AOAH: variants seen among roughly 807,000 people sequenced by gnomAD.
AOAH encodes the protein acyloxyacyl hydrolase (neutrophil).
Under a neutral mutation model 92.2 loss-of-function variants are expected in AOAH, and 64 were observed. The ratio of observed to expected loss-of-function variants is 0.69; its 90% confidence interval spans 0.57 to 0.86. The LOEUF is 0.86. Ranked by LOEUF, AOAH falls within the 40% of genes least tolerant of loss-of-function variation. AOAH has a pLI of 0.00. For missense variants in AOAH, 656 were observed against 694.6 expected (o/e 0.94, Z 0.62); for synonymous variants, 263 against 254.5 (o/e 1.03, Z -0.32).
intron 2 of AOAH, among the ~76,000 whole-genome samples, chr7:36,685,527 T>G (rs1431134018): frequency 6.6e-6 from 1 of 152,154 alleles, no homozygotes; most frequent in African/African-American, 2.4e-5. Context: ...TTGTCTTGTT[T>G]TTACAAAGAA....
At position 36,513,255 on chromosome 7, in the gene AOAH, G is replaced by C; in HGVS notation, c.1725C>G (p.His575Gln). The C allele has an allele frequency of 6.2e-7, 1 of 1,614,212 alleles. No individual in the cohort carries two copies. Among genetic ancestry groups the C allele is most frequent in the Non-Finnish European group, 8.5e-7 (1 of 1,180,026 alleles). ...IKQVFGDQGG[H>Q] ...GGGGTGCATGCTCCTGAGAGGCTCA[G>C]TGCCCGCCTTGGTCTCCAAACACCT... The change falls in exon 21 of 21, where the codon CAC (histidine) becomes CAG (glutamine). Residue 575 changes from histidine to glutamine, a missense_variant. Transcript: ENST00000617537.
chr7:36,583,296 G>A (rs1789067672), intron 12 of AOAH, among the ~76,000 whole-genome samples: 1 of 152,264 alleles, frequency 6.6e-6, no homozygotes, highest in Admixed American at 6.5e-5. Flanking sequence ...GACTAGACAG[G>A]CTTTAAGGCT....
chr7:36,562,594 A>T (rs909428552), intron 13 of AOAH, among the ~76,000 whole-genome samples: 4 of 152,220 alleles, frequency 2.6e-5, no homozygotes, highest in Non-Finnish European at 5.9e-5. Context: ...CTTTTAAATA[A>T]GGTGCAGGGC....
At chr7:36,638,025 TA>T in intron 4 of AOAH, 115 bp from the exon 5 acceptor site, 1 of 784,078 alleles carries the variant, frequency 1.3e-6, no homozygotes, top group Non-Finnish European at 2.1e-6. Context: ...AACCACTCCA[TA>T]AATTTGTAAT....
chr7:36,592,828 A>G (rs1297353576), intron 12 of AOAH, among the ~76,000 whole-genome samples: 2 of 152,226 alleles, frequency 1.3e-5, no homozygotes, highest in Non-Finnish European at 2.9e-5. Context: ...TATCCCTATT[A>G]GTAAGTATTT....
intron 1 of AOAH, among the ~76,000 whole-genome samples, chr7:36,695,948 A>G (rs1013295410): frequency 6.6e-6 from 1 of 152,160 alleles, no homozygotes; most frequent in Non-Finnish European, 1.5e-5. Context: ...TGAGTTCACA[A>G]TTGTGTGAGG....
intron 1 of AOAH, among the ~76,000 whole-genome samples, chr7:36,710,717 T>A (rs4412275): frequency 6.6e-6 from 1 of 152,142 alleles, no homozygotes; most frequent in East Asian, 1.9e-4. Context: ...CACCCAAGAT[T>A]TGAGAATTTC....
intron 13 of AOAH, among the ~76,000 whole-genome samples, chr7:36,557,676 G>A (rs1786866985): frequency 6.6e-6 from 1 of 152,120 alleles, no homozygotes; most frequent in African/African-American, 2.4e-5. Context: ...TGGAGGCTTT[G>A]TTCGTTTCTT....
chr7:36,644,517 A>G (rs1218509648), intron 4 of AOAH, among the ~76,000 whole-genome samples: 1 of 152,212 alleles, frequency 6.6e-6, no homozygotes, highest in Non-Finnish European at 1.5e-5. Flanking sequence ...TATTGACTAC[A>G]GTGGTAAACA....
chr7:36,683,972 C>A (rs1385839817), intron 2 of AOAH, among the ~76,000 whole-genome samples: 6 of 150,646 alleles, frequency 4.0e-5, no homozygotes, highest in African/African-American at 1.5e-4. Context: ...CCAGCCTGAG[C>A]AACAGAGCAA....
intron 1 of AOAH, among the ~76,000 whole-genome samples, 179 bp from the exon 2 acceptor site, chr7:36,686,973 C>A (rs922387511): frequency 2.0e-5 from 3 of 152,138 alleles, no homozygotes; most frequent in Admixed American, 2.0e-4. Context: ...AAACAGCCCA[C>A]ATGGAGCAGA....
chr7:36,513,331 T>G lies in AOAH; in HGVS notation c.1649A>C (p.Gln550Pro). The stretch of plus-strand genomic sequence containing the variant: ...CTCCTTTCCCAGGATTTGGGGCCAC[T>G]GGAGCTGCACCTTTTTCCAGAAATG... ...ADHFWKKVQL[Q>P]WPQILGKENP... Residue 550 changes from glutamine to proline, a missense_variant, in exon 21 of 21, where the codon CAG (glutamine) becomes CCG (proline). By Grantham distance (76) the Gln-to-Pro change is moderately conservative. Coordinates refer to ENST00000617537, the MANE Select transcript of AOAH (RefSeq NM_001637.4). 6.2e-7 allele frequency: 1 copy of G among 1,614,200 alleles called. No homozygotes were observed. The highest frequency in any genetic ancestry group is 8.5e-7 in the Non-Finnish European group (1 of 1,180,022).
chr7:36,708,367 T>G (rs1022838745), intron 1 of AOAH, among the ~76,000 whole-genome samples: 8 of 152,202 alleles, frequency 5.3e-5, no homozygotes, highest in Non-Finnish European at 8.8e-5. Context: ...TTATTGATTT[T>G]TAAGTCTAGT....
rs773637247 is a variant in AOAH, at chr7:36,594,336, T to G, written c.938+3A>C. The G allele has an allele frequency of 3.7e-6, 6 of 1,611,528 alleles. No homozygotes were observed. The East Asian group carries it at 6.7e-5, about 18-fold the overall frequency. On this transcript the variant is annotated splice_donor_region_variant and intron_variant, in intron 12 of 20. Coordinates refer to ENST00000617537, the MANE Select transcript of AOAH (RefSeq NM_001637.4). ...ATGTCTGAGGGTGCACAAAGACACT[T>G]ACCCAACAGTGGAGTCCAGAAATCC...
chr7:36,553,237 G>A (rs1430267714), intron 13 of AOAH, among the ~76,000 whole-genome samples: 1 of 150,290 alleles, frequency 6.7e-6, no homozygotes, highest in Non-Finnish European at 1.5e-5. Flanking sequence ...TTTTGTCCTT[G>A]CAATAGTTTA....
At chr7:36,581,560 A>G (rs1312114600) in intron 12 of AOAH, among the ~76,000 whole-genome samples, 2 of 152,218 alleles carry the variant, frequency 1.3e-5, no homozygotes, top group Non-Finnish European at 2.9e-5. Flanking sequence ...AAATAATTTT[A>G]TGGTCAATAA....
At chr7:36,681,442 A>G (rs976969984) in intron 2 of AOAH, among the ~76,000 whole-genome samples, 3 of 152,208 alleles carry the variant, frequency 2.0e-5, no homozygotes, top group African/African-American at 7.2e-5. Context: ...ACAGTAGACC[A>G]TTGATGTCAA....
At chr7:36,674,328 A>G (rs1375998966) in intron 2 of AOAH, among the ~76,000 whole-genome samples, 1 of 152,076 alleles carries the variant, frequency 6.6e-6, no homozygotes, top group East Asian at 1.9e-4. Context: ...GTTGGCTATG[A>G]CCTCATTTGT....
chr7:36,648,965 A>T (rs1794407845), intron 4 of AOAH, among the ~76,000 whole-genome samples: 1 of 152,148 alleles, frequency 6.6e-6, no homozygotes, highest in African/African-American at 2.4e-5. Flanking sequence ...CAACAATTTG[A>T]ATTTTGATTT....
Sources: gnomAD v4.1 joint callset for allele counts (sites outside exome capture counted in the v4.1 genomes callset) on GRCh38, gnomAD v4.1.1 for gene constraint, MANE v1.5 for transcripts, NCBI Gene and HGNC (gene_info 2026-07-23, HGNC 2026-07-21) for gene names.